The following NFKBIE variants were observed in gnomAD, a reference collection of about 807,000 sequenced individuals.
NFKBIE encodes NFKB inhibitor epsilon.
In NFKBIE, 11 loss-of-function variants were observed where a neutral mutation model predicts 31.6. That is an observed-to-expected ratio of 0.35 (90% CI 0.22 to 0.58). The LOEUF (loss-of-function observed/expected upper bound fraction) is 0.58. NFKBIE is among the 20% of genes least tolerant of loss of function. The probability of loss-of-function intolerance (pLI) is 0.83; values close to 1 mark genes in which losing one functional copy is unlikely to be tolerated. For missense variants in NFKBIE, 354 were observed against 465.7 expected (o/e 0.76, Z 2.21); for synonymous variants, 208 against 210.1 (o/e 0.99, Z 0.09).
In NFKBIE at chr6:44,261,498, A is replaced by G. The variant is rs1403872371; in HGVS notation, c.691+128T>C. 5 of 837,622 alleles carry G rather than the reference A, an allele frequency of 6.0e-6. No individual in the cohort carries two copies. Among genetic ancestry groups the G allele is most frequent in the South Asian group, 1.7e-5 (1 of 59,028 alleles). 51.9% of individuals were successfully genotyped at this position (837,622 alleles called of 1,614,324 possible). A position where few individuals can be genotyped will look rare whatever the true frequency, so the allele number is the denominator to read the frequency against. The stretch of plus-strand genomic sequence containing the variant: ...TTTGGCAAAGATGTACTGAATATCT[A>G]TGTGCTTACAGTGGGAGGGGCACCA... On this transcript the variant is annotated intron_variant, in intron 3 of 5. Coordinates refer to ENST00000619360, the MANE Select transcript of NFKBIE (RefSeq NM_004556.3). The surrounding 1 kb of genome is among the most constrained non-coding windows in gnomAD (Gnocchi z 4.3).
Position 44,260,091 on chromosome 6 carries a change from G to A in NFKBIE, c.972C>T (p.Ser324=). The A allele has an allele frequency of 1.2e-6, 2 of 1,614,222 alleles. No individual in the cohort carries two copies. Among genetic ancestry groups the A allele is most frequent in the East Asian group, 2.2e-5 (1 of 44,882 alleles). Residue 324 remains serine (S), a synonymous_variant, in exon 5 of 6, where the codon TCC becomes TCT. Transcript: ENST00000619360. The surrounding 1 kb of genome is among the most constrained non-coding windows in gnomAD (Gnocchi z 5.5). ...TCTCATCCTCCACATTCCGCAGCAGGGAGTCAGCACCCGCCTTGCACAGAG... is the reference window on the plus strand; with the variant it reads ...TCTCATCCTCCACATTCCGCAGCAGAGAGTCAGCACCCGCCTTGCACAGAG... ...SSTLCKAGAD[S]LLRNVEDETP... is the part of the protein sequence containing the mutation.
chr6:44,265,032 C>A lies in NFKBIE; in HGVS notation c.315G>T (p.Leu105=). ...TGAGTGCTTCCAGCTGCTGAGGGCT[C>A]AGCGCCCCCACGTGGGGGAGTGGCA... The part of the protein sequence containing the change: ...PRLPLPHVGA[L]SPQQLEALTY... The change falls in exon 1 of 6, where the codon CTG becomes CTT. Residue 105 remains leucine, a synonymous_variant. Coordinates refer to ENST00000619360, the MANE Select transcript of NFKBIE (RefSeq NM_004556.3). The A allele has an allele frequency of 6.3e-7, 1 of 1,585,370 alleles. No homozygotes were observed. Among genetic ancestry groups the A allele is most frequent in the East Asian group, 2.3e-5 (1 of 43,962 alleles).
In NFKBIE at chr6:44,265,230, C is replaced by A. The variant is rs1238798123; in HGVS notation, c.117G>T (p.Gly39=). The change falls in exon 1 of 6, where the codon GGG becomes GGT. Residue 39 remains glycine (G), a synonymous_variant. Transcript: ENST00000619360. ...AGGGCTGGGGGCTGCCGTCCGAGGG[C>A]CCGGAGGCTGGAGCCGAGGTGGACT... ...LPESTSAPAS[G]PSDGSPQPCT... is the part of the protein sequence containing the mutation. 1 of 1,552,466 alleles carries A rather than the reference C, an allele frequency of 6.4e-7. No homozygotes were observed. Among genetic ancestry groups the A allele is most frequent in the African/African-American group, 1.4e-5 (1 of 73,284 alleles).
intron 5 of NFKBIE, 44 bp downstream of exon 5, chr6:44,259,999 T>G (rs1275757537): frequency 6.3e-7 from 1 of 1,596,088 alleles, no homozygotes; most frequent in Non-Finnish European, 8.6e-7. Flanking sequence ...CTCTCTCTGC[T>G]ATGGGTGTGC....
Position 44,265,419 on chromosome 6 carries a change from G to T in NFKBIE, c.-73C>A. 2.6e-6 allele frequency: 4 copies of T among 1,542,414 alleles called. No homozygotes were observed. Among genetic ancestry groups the T allele is most frequent in the Non-Finnish European group, 3.5e-6 (4 of 1,151,094 alleles). On this transcript the variant is annotated 5_prime_UTR_variant, in exon 1 of 6. Coordinates refer to ENST00000619360, the MANE Select transcript of NFKBIE (RefSeq NM_004556.3). The stretch of plus-strand genomic sequence containing the variant: ...CCAGGCTCCGCCGCGCCGCCTTTCC[G>T]GGTTGCGGGTCCGCTTGGCAGAGCG...
chr6:44,259,005 G>C lies in NFKBIE; in HGVS notation c.*214C>G. The C allele has an allele frequency of 4.5e-6, 2 of 444,502 alleles. No individual in the cohort carries two copies. The highest frequency in any genetic ancestry group is 5.4e-5 in the South Asian group (2 of 37,368). 27.5% of individuals were successfully genotyped at this position (444,502 alleles called of 1,614,324 possible). On this transcript the variant is annotated 3_prime_UTR_variant, in exon 6 of 6. Transcript: ENST00000619360. ...CTTTGGGGGTCTTCCAAGAAGCCCT[G>C]TCCACCTGGAAAGCTCTTCCTTCCA...
chr6:44,261,890 C>T lies in NFKBIE; in HGVS notation c.469-42G>A. ...AGGGTCATGGGGCCACTGCAGCATG[C>T]TCCCACCTCTGGGAACATGCTTGGG... On this transcript the variant is annotated intron_variant, in intron 2 of 5. Transcript: ENST00000619360. This position sits in a 1 kb window ranked among gnomAD's most constrained non-coding sequence, Gnocchi z 4.3. 1 of 1,522,898 alleles carries T rather than the reference C, an allele frequency of 6.6e-7. No individual in the cohort carries two copies. Among genetic ancestry groups the T allele is most frequent in the Non-Finnish European group, 8.9e-7 (1 of 1,118,544 alleles). The allele number at this position is 1,522,898 out of a possible 1,614,324, so 94.3% of individuals were successfully genotyped here. A position where few individuals can be genotyped will look rare whatever the true frequency, so the allele number is the denominator to read the frequency against.
In NFKBIE at chr6:44,260,547, G is replaced by T; in HGVS notation, c.692-8C>A. 5 of 1,613,940 alleles carry T rather than the reference G, an allele frequency of 3.1e-6. No homozygotes were observed. Among genetic ancestry groups the T allele is most frequent in the Non-Finnish European group, 4.2e-6 (5 of 1,179,870 alleles). ...TGTGGAGACAAGCCAGACCTGGGAT[G>T]GGGTGAGAGTGAGGGTGAGGGCTGC... On this transcript the variant is annotated splice_polypyrimidine_tract_variant and splice_region_variant and intron_variant, in intron 3 of 5. Transcript: ENST00000619360. The surrounding 1 kb of genome is among the most constrained non-coding windows in gnomAD (Gnocchi z 5.5).
Position 44,265,070 on chromosome 6 carries a change from G to C in NFKBIE, c.277C>G (p.Pro93Ala), listed in dbSNP as rs1011761470. 4 of 1,567,292 alleles carry C rather than the reference G, an allele frequency of 2.6e-6. No individual in the cohort carries two copies. In the Admixed American group the frequency reaches 5.8e-5, roughly 23 times the overall value. The change falls in exon 1 of 6, where the codon CCG becomes GCG. Residue 93 changes from proline (P) to alanine (A), a missense_variant. By Grantham distance (27) the Pro-to-Ala change is conservative. Coordinates refer to ENST00000619360, the MANE Select transcript of NFKBIE (RefSeq NM_004556.3). ...SLLGGPEAED[P>A]APRLPLPHVG... ...TGGGGGAGTGGCAGGCGTGGGGCCG[G>C]GTCCTCAGCCTCGGGGCCCCCCAGC...
rs1481599527 is a variant in NFKBIE, at chr6:44,260,679, A to T, written c.692-140T>A. ...CTAATCACAAGACTGTTAAAATGCA[A>T]ACCCCAAAACCCCCTCAAAAGTCTA... On this transcript the variant is annotated intron_variant, in intron 3 of 5. Coordinates refer to ENST00000619360, the MANE Select transcript of NFKBIE (RefSeq NM_004556.3). The surrounding 1 kb of genome is among the most constrained non-coding windows in gnomAD (Gnocchi z 5.5). The T allele has an allele frequency of 1.3e-6, 1 of 766,542 alleles. No homozygotes were observed. The highest frequency in any genetic ancestry group is 1.7e-5 in the African/African-American group (1 of 57,586). The allele number at this position is 766,542 out of a possible 1,614,324, so 47.5% of individuals were successfully genotyped here.
At position 44,260,012 on chromosome 6, in the gene NFKBIE, G is replaced by A; in HGVS notation, c.1020+31C>T. ...ACCTCTCTCTGCTATGGGTGTGCAA[G>A]GCCCTGGAGAGCAAAGCATATGCCA... On this transcript the variant is annotated intron_variant, in intron 5 of 5. Coordinates refer to ENST00000619360, the MANE Select transcript of NFKBIE (RefSeq NM_004556.3). This position sits in a 1 kb window ranked among gnomAD's most constrained non-coding sequence, Gnocchi z 5.5. The A allele has an allele frequency of 6.2e-7, 1 of 1,602,368 alleles. No homozygotes were observed. The highest frequency in any genetic ancestry group is 8.5e-7 in the Non-Finnish European group (1 of 1,170,890).
chr6:44,264,872 C>T (rs1318025890), intron 1 of NFKBIE, 110 bp downstream of exon 1: 1 of 1,194,644 alleles, frequency 8.4e-7, no homozygotes, highest in African/African-American at 1.5e-5. Context: ...TTTGGAAGAG[C>T]GAATGGGGAC....
In NFKBIE at chr6:44,261,678, C is replaced by T; in HGVS notation, c.639G>A (p.Glu213=). The part of the protein sequence containing the change: ...CARCLLEGRP[E]PGRGTSHSLD... ...GAGAGTGAGATGTTCCTCTGCCTGGCTCTGGCCGCCCTTCCAGCAGGCAGC... is the reference window on the plus strand; with the variant it reads ...GAGAGTGAGATGTTCCTCTGCCTGGTTCTGGCCGCCCTTCCAGCAGGCAGC... The change falls in exon 3 of 6, where the codon GAG becomes GAA. Residue 213 remains glutamate, a synonymous_variant. Transcript: ENST00000619360. This position sits in a 1 kb window ranked among gnomAD's most constrained non-coding sequence, Gnocchi z 4.3. The T allele has an allele frequency of 6.2e-7, 1 of 1,614,236 alleles. No homozygotes were observed. Among genetic ancestry groups the T allele is most frequent in the Non-Finnish European group, 8.5e-7 (1 of 1,180,042 alleles).
Position 44,265,187 on chromosome 6 carries a change from G to A in NFKBIE, c.160C>T (p.Pro54Ser), listed in dbSNP as rs1782077919. ...TCCTTCTCCTGTGGTTCCTTGACGG[G>A]TCCCGGAGGATGGGTGCAGGGCTGG... ...SPQPCTHPPG[P>S]VKEPQEKEDA... The change falls in exon 1 of 6, where the codon CCC becomes TCC. Residue 54 changes from proline (P) to serine (S), a missense_variant. Pro to Ser is a moderately conservative substitution (Grantham distance 74). This residue lies in a region of NFKBIE where 171 missense variants were observed against 155.1 expected (regional missense o/e 1.10). Transcript: ENST00000619360. 2 of 1,551,698 alleles carry A rather than the reference G, an allele frequency of 1.3e-6. No individual in the cohort carries two copies. Among genetic ancestry groups the A allele is most frequent in the South Asian group, 2.4e-5 (2 of 84,068 alleles).
chr6:44,259,608 C>T lies in NFKBIE; in HGVS notation c.1021-324G>A, dbSNP rs114687188. 2.4e-3 allele frequency among the ~76,000 whole-genome samples: 361 copies of T among 152,152 alleles called. 6 individuals are homozygous for T. Among genetic ancestry groups the T allele is most frequent in the African/African-American group, 8.2e-3 (341 of 41,502 alleles). On this transcript the variant is annotated intron_variant, in intron 5 of 5. Coordinates refer to ENST00000619360, the MANE Select transcript of NFKBIE (RefSeq NM_004556.3). ...GGGTGGGGGGGCTGCTGGGTACTCG[C>T]AGAACATTTAGGTTTCTTTTTTACA...
intron 5 of NFKBIE, 78 bp downstream of exon 5, chr6:44,259,965 G>A (rs1014094501): frequency 1.3e-6 from 2 of 1,552,174 alleles, no homozygotes. Context: ...CTGGCTCCCT[G>A]GCCCTTTCAG....
rs1006175144 is a variant in NFKBIE at position 44,265,504 on chromosome 6, A to C, written c.-158T>G. On this transcript the variant is annotated 5_prime_UTR_variant, in exon 1 of 6. Transcript: ENST00000619360. Reference sequence around the variant, plus strand: ...GTGGGGCTCCGAGGGGCCGGCGCGCAGCGAGGACAAGGTTCGGAGCGCTGG... The same window carrying C: ...GTGGGGCTCCGAGGGGCCGGCGCGCCGCGAGGACAAGGTTCGGAGCGCTGG... 1.9e-6 allele frequency: 3 copies of C among 1,543,670 alleles called. No homozygotes were observed.
rs746138649 is a variant in NFKBIE, at chr6:44,262,537, C to T, written c.468+23G>A. On this transcript the variant is annotated intron_variant, in intron 2 of 5. Transcript: ENST00000619360. ...GCCAGGGCACAAACAGGTATCTGGG[C>T]ATAACATTCTCTCGCCACCAACCTG... 5.0e-6 allele frequency: 8 copies of T among 1,599,342 alleles called. No individual in the cohort carries two copies. The South Asian group carries it at 8.8e-5, about 18-fold the overall frequency.
intron 5 of NFKBIE, among the ~76,000 whole-genome samples, chr6:44,259,624 C>CT (rs1781821562): frequency 6.6e-6 from 1 of 152,014 alleles, no homozygotes; most frequent in Non-Finnish European, 1.5e-5. Flanking sequence ...ATTTAGGTTT[C>CT]TTTTTTACAC....
Sources: gnomAD v4.1 joint callset for allele counts (sites outside exome capture counted in the v4.1 genomes callset) on GRCh38, gnomAD v4.1.1 for gene constraint, gnomAD v4.1.1 regional missense constraint, Gnocchi (gnomAD v3.1) non-coding constraint, MANE v1.5 for transcripts, NCBI Gene and HGNC (gene_info 2026-07-23, HGNC 2026-07-21) for gene names.